Variants in CYFIP2 observed in about 807,000 individuals in gnomAD.
The protein encoded by CYFIP2 is cytoplasmic FMR1 interacting protein 2.
In CYFIP2, 29 loss-of-function variants were observed where a neutral mutation model predicts 158.7. The ratio of observed to expected loss-of-function variants is 0.18; its 90% CI spans 0.14 to 0.25. CYFIP2 has a LOEUF of 0.25. Among genes scored for constraint, CYFIP2 ranks in the 10% least tolerant of loss-of-function variants. The pLI, the probability that CYFIP2 is intolerant of heterozygous loss-of-function variation, is 1.00. For synonymous variants in CYFIP2, 585 were observed against 617.6 expected (o/e 0.95, Z 0.78); for missense variants, 852 against 1,639.5 (o/e 0.52, Z 8.29).
Position 157,361,812 on chromosome 5 carries a change from T to C in CYFIP2, c.3039+214T>C, listed in dbSNP as rs1330665221. Among the ~76,000 whole-genome samples, 1 of 152,162 alleles carries C rather than the reference T, an allele frequency of 6.6e-6. No homozygotes were observed. Among genetic ancestry groups the C allele is most frequent in the Non-Finnish European group, 1.5e-5 (1 of 68,038 alleles). ...TAGGTCTCAGTTTGCCATTCCCTCA[T>C]GTTATGGAACCAAACTGGGGTCCAC... On this transcript the variant is annotated intron_variant, in intron 26 of 30. Coordinates refer to ENST00000620254, the MANE Select transcript of CYFIP2 (RefSeq NM_001037333.3). This position sits in a 1 kb window ranked among gnomAD's most constrained non-coding sequence, Gnocchi z 4.4.
chr5:157,320,535 A>G (rs1333657043), intron 14 of CYFIP2, 120 bp from the exon 15 acceptor site: 2 of 1,315,476 alleles, frequency 1.5e-6, no homozygotes, highest in East Asian at 2.4e-5. Flanking sequence ...ATGCTTTACA[A>G]GCACCCCAAG....
intron 3 of CYFIP2, among the ~76,000 whole-genome samples, chr5:157,290,232 G>A (rs571538529): frequency 6.6e-6 from 1 of 152,230 alleles, no homozygotes; most frequent in Non-Finnish European, 1.5e-5. Flanking sequence ...AGTTTTGTAG[G>A]TCAGAAGTCT....
At chr5:157,342,815 T>G in intron 23 of CYFIP2, 2 of 1,541,020 alleles carry the variant, frequency 1.3e-6, no homozygotes, top group South Asian at 1.2e-5. Flanking sequence ...CGACCTACTG[T>G]GTGGAAAGCT....
chr5:157,371,569 C>T (rs1014501097), intron 26 of CYFIP2, among the ~76,000 whole-genome samples: 5 of 152,078 alleles, frequency 3.3e-5, no homozygotes, highest in East Asian at 1.9e-4. Flanking sequence ...AATATGTACG[C>T]GGAATCTTTA....
Position 157,361,017 on chromosome 5 carries a change from A to G in CYFIP2, c.2909-451A>G, listed in dbSNP as rs7737594. Among the ~76,000 whole-genome samples the G allele has an allele frequency of 0.44, 67,548 of 151,924 alleles. 16,003 individuals carry two copies. The highest frequency in any genetic ancestry group is 0.62 in the African/African-American group (25,621 of 41,380). Reference sequence around the variant, plus strand: ...ACTTACTACCTGTGTGACTATGGGCATGCCCCTTACCCTCTCTGAGCCTCA... The same window carrying G: ...ACTTACTACCTGTGTGACTATGGGCGTGCCCCTTACCCTCTCTGAGCCTCA... On this transcript the variant is annotated intron_variant, in intron 25 of 30. Coordinates refer to ENST00000620254, the MANE Select transcript of CYFIP2 (RefSeq NM_001037333.3). The surrounding 1 kb of genome is among the most constrained non-coding windows in gnomAD (Gnocchi z 4.4).
chr5:157,391,630 G>A (rs1767298448), intron 30 of CYFIP2, among the ~76,000 whole-genome samples: 1 of 152,164 alleles, frequency 6.6e-6, no homozygotes, highest in Admixed American at 6.5e-5. Flanking sequence ...TTTTATGGCT[G>A]TATAATATTG....
chr5:157,364,370 C>G (rs746078016), intron 26 of CYFIP2: 11 of 152,170 alleles, frequency 7.2e-5, no homozygotes, highest in Non-Finnish European at 1.5e-4. Context: ...TCCTCAGGCA[C>G]CGTCTGGGTG....
At chr5:157,341,284 C>T (rs1762229504) in intron 23 of CYFIP2, 127 bp downstream of exon 23, 2 of 828,938 alleles carry the variant, frequency 2.4e-6, no homozygotes, top group East Asian at 5.3e-5. Flanking sequence ...GGCACAGTGG[C>T]TCATACCTTT....
At chr5:157,372,813 T>C (rs1294432469) in intron 26 of CYFIP2, among the ~76,000 whole-genome samples, 1 of 152,106 alleles carries the variant, frequency 6.6e-6, no homozygotes, top group Non-Finnish European at 1.5e-5. Flanking sequence ...GAGAGACCCT[T>C]AGAGAACACC....
chr5:157,324,020 A>G lies in CYFIP2; in HGVS notation c.1771A>G (p.Ile591Val), dbSNP rs1295078317. The change falls in exon 16 of 31, where the codon ATA becomes GTA. Residue 591 changes from isoleucine (I) to valine (V), a missense_variant. Coordinates refer to ENST00000620254, the MANE Select transcript of CYFIP2 (RefSeq NM_001037333.3). The stretch of plus-strand genomic sequence containing the variant: ...CCTGGATGGACCCATTGTCCTCGCC[A>G]TAGAGGACTTTCACAAACAGTCCTT... ...SSLDGPIVLA[I>V]EDFHKQSFFF... 3.1e-6 allele frequency: 5 copies of G among 1,613,734 alleles called. No homozygotes were observed. The highest frequency in any genetic ancestry group is 1.7e-5 in the Admixed American group (1 of 59,996).
At position 157,307,637 on chromosome 5, in the gene CYFIP2, G is replaced by GTGTGTGTGTGTGTGTGTGTGTGTGTA. The variant is rs1491588464; in HGVS notation, c.796-105_796-104insGTGTGTATGTGTGTGTGTGTGTGTGT. 299 of 349,540 alleles carry GTGTGTGTGTGTGTGTGTGTGTGTGTA rather than the reference G, an allele frequency of 8.6e-4. 2 individuals carry two copies. The African/African-American group carries it at 0.02, about 23-fold the overall frequency. The allele number at this position is 349,540 out of a possible 1,614,324, so 21.7% of individuals were successfully genotyped here. ...ATAATATAATGTGTGTCTCTACAGG[G>GTGTGTGTGTGTGTGTGTGTGTGTGTA]TGTGTGTGTGTGTGTGTGTATGTGT... On this transcript the variant is annotated intron_variant, in intron 8 of 30. Coordinates refer to ENST00000620254, the MANE Select transcript of CYFIP2 (RefSeq NM_001037333.3).
chr5:157,283,431 C>T (rs1757143319), intron 1 of CYFIP2, among the ~76,000 whole-genome samples: 1 of 151,822 alleles, frequency 6.6e-6, no homozygotes, highest in Non-Finnish European at 1.5e-5. Context: ...AGAAGGAAGA[C>T]AGTCTTTTTT....
intron 1 of CYFIP2, among the ~76,000 whole-genome samples, chr5:157,278,095 CTG>C (rs1436368726): frequency 1.3e-5 from 2 of 151,912 alleles, no homozygotes; most frequent in Admixed American, 6.6e-5. Context: ...AGGCAAATGA[CTG>C]TAAATTTTTT....
chr5:157,316,393 C>A (rs1760151308), intron 13 of CYFIP2, among the ~76,000 whole-genome samples: 1 of 151,950 alleles, frequency 6.6e-6, no homozygotes, highest in South Asian at 2.1e-4. Context: ...CCACTTATAC[C>A]AAAATATAAT....
chr5:157,314,551 G>C, intron 12 of CYFIP2, 88 bp downstream of exon 12: 1 of 1,495,038 alleles, frequency 6.7e-7, no homozygotes, highest in South Asian at 1.4e-5. Context: ...CTTTTTAACA[G>C]ATTTACGGAG....
intron 26 of CYFIP2, among the ~76,000 whole-genome samples, chr5:157,378,586 A>G (rs1581184029): frequency 1.3e-5 from 2 of 152,336 alleles, no homozygotes; most frequent in East Asian, 3.9e-4. Context: ...CGGGTGTCGA[A>G]GTGGAGTGGC....
chr5:157,395,473 T>G lies in CYFIP2; in HGVS notation c.*2473T>G. 3 of 469,264 alleles carry G rather than the reference T, an allele frequency of 6.4e-6. No homozygotes were observed. The highest frequency in any genetic ancestry group is 1.1e-5 in the Non-Finnish European group (3 of 261,234). The allele number at this position is 469,264 out of a possible 1,614,324, so 29.1% of individuals were successfully genotyped here. On this transcript the variant is annotated 3_prime_UTR_variant, in exon 31 of 31. Transcript: ENST00000620254. ...CTTGTGATCAAATAATGATGTTAAA[T>G]TCTTAAATCATATTTGCTATGCAGC...
intron 7 of CYFIP2, chr5:157,303,158 G>C (rs1005044987): frequency 2.0e-4 from 71 of 363,414 alleles, no homozygotes; most frequent in African/African-American, 1.3e-3. Context: ...GTGGGGTCTG[G>C]AGTTAGGCAG....
intron 23 of CYFIP2, among the ~76,000 whole-genome samples, chr5:157,350,571 T>C (rs1762998270): frequency 6.6e-6 from 1 of 152,218 alleles, no homozygotes; most frequent in South Asian, 2.1e-4. Flanking sequence ...TGCCTCCAGA[T>C]TTGCTCCTTT....
Sources: allele counts gnomAD v4.1 joint callset (sites outside exome capture counted in the v4.1 genomes callset), GRCh38; gene constraint gnomAD v4.1.1; non-coding constraint Gnocchi (gnomAD v3.1); transcripts MANE v1.5; gene names NCBI Gene and HGNC (gene_info 2026-07-23, HGNC 2026-07-21).